The following PDPN variants were observed in gnomAD, a reference collection of about 807,000 sequenced individuals.
The protein encoded by PDPN is podoplanin, also known as PA2.26 antigen.
In PDPN, 12 loss-of-function variants were observed where a neutral mutation model predicts 23.2. That is an observed-to-expected ratio of 0.52 (90% CI 0.33 to 0.84). The LOEUF (loss-of-function observed/expected upper bound fraction) is 0.84. Among genes scored for constraint, PDPN ranks in the 40% least tolerant of loss-of-function variants. PDPN has a pLI of 0.02. For synonymous variants in PDPN, 77 were observed against 76.7 expected (o/e 1.00, Z -0.02); for missense variants, 199 against 212.2 (o/e 0.94, Z 0.39).
intron 2 of PDPN, among the ~76,000 whole-genome samples, chr1:13,609,427 T>C (rs1640877596): frequency 1.3e-5 from 2 of 152,184 alleles, no homozygotes; most frequent in African/African-American, 4.8e-5. Context: ...CATTAGCATA[T>C]GTTTTTTATT....
intron 1 of PDPN, among the ~76,000 whole-genome samples, chr1:13,605,505 G>A (rs765958402): frequency 3.3e-5 from 5 of 152,190 alleles, no homozygotes; most frequent in Non-Finnish European, 5.9e-5. Flanking sequence ...ATTGAGCATG[G>A]TCATGACTAG....
At position 13,597,684 on chromosome 1, in the gene PDPN, G is replaced by A. The variant is rs544980287; in HGVS notation, c.68-9489G>A. Among the ~76,000 whole-genome samples, 27 of 152,296 alleles carry A rather than the reference G, an allele frequency of 1.8e-4. No individual in the cohort carries two copies. In the South Asian group the frequency reaches 5.6e-3, roughly 32 times the overall value. On this transcript the variant is annotated intron_variant, in intron 1 of 5. Transcript: ENST00000621990. The stretch of plus-strand genomic sequence containing the variant: ...TAGATCTGTTTCTACTCTAAATGTT[G>A]TTTGTCAGTAGAGCTGTAACAGGTG...
At chr1:13,614,277 C>CT (rs780788471) in intron 4 of PDPN, 23 bp from the exon 5 acceptor site, 14 of 1,330,268 alleles carry the variant, frequency 1.1e-5, no homozygotes, top group Middle Eastern at 3.7e-4. Flanking sequence ...GGGGCTCATG[C>CT]TTTTTTTCTC....
chr1:13,612,900 A>G (rs879711238), intron 3 of PDPN, among the ~76,000 whole-genome samples: 2 of 152,228 alleles, frequency 1.3e-5, no homozygotes, highest in Non-Finnish European at 2.9e-5. Context: ...AAATCAAGGC[A>G]TCTTGACTTT....
chr1:13,602,483 A>C (rs1640671051), intron 1 of PDPN, among the ~76,000 whole-genome samples: 2 of 152,258 alleles, frequency 1.3e-5, no homozygotes, highest in South Asian at 4.1e-4. Flanking sequence ...AAGAAGTGTA[A>C]ATAAAACCAG....
chr1:13,598,349 C>T (rs1384805360), intron 1 of PDPN, among the ~76,000 whole-genome samples: 1 of 152,076 alleles, frequency 6.6e-6, no homozygotes, highest in African/African-American at 2.4e-5. Flanking sequence ...TGGGTAATGA[C>T]TTCAAATGCT....
chr1:13,598,448 T>TA (rs1317637262), intron 1 of PDPN, among the ~76,000 whole-genome samples: 1 of 152,162 alleles, frequency 6.6e-6, no homozygotes, highest in Non-Finnish European at 1.5e-5. Context: ...CTTTCTTAGA[T>TA]AACAGAAAGA....
At position 13,587,569 on chromosome 1, in the gene PDPN, C is replaced by T. The variant is rs77407013; in HGVS notation, c.67+3469C>T. Among the ~76,000 whole-genome samples the T allele has an allele frequency of 4.1e-3, 631 of 152,160 alleles. 2 individuals carry two copies. The highest frequency in any genetic ancestry group is 6.8e-3 in the Middle Eastern group (2 of 294). On this transcript the variant is annotated intron_variant, in intron 1 of 5. Coordinates refer to ENST00000621990, the MANE Select transcript of PDPN (RefSeq NM_006474.5). ...CTGAATCAGATGCTGTAGGGCTTTT[C>T]CAGGAAGCCTTGCCACTCTTGGTGC... is the stretch of plus-strand genomic sequence containing the variant.
In PDPN at chr1:13,606,990, TG is replaced by T. The variant is rs549263740; in HGVS notation, c.68-182del. On this transcript the variant is annotated intron_variant, in intron 1 of 5. Transcript: ENST00000621990. The stretch of plus-strand genomic sequence containing the variant: ...AACGGAGATAACCAGGGTGTTGATG[TG>T]TCAGAAGTGCTGCAAGGAGAATGGT... Among the ~76,000 whole-genome samples the T allele has an allele frequency of 2.3e-3, 347 of 152,330 alleles. 1 individual carries two copies. The highest frequency in any genetic ancestry group is 8.0e-3 in the African/African-American group (332 of 41,582).
At position 13,617,219 on chromosome 1, in the gene PDPN, G is replaced by A. The variant is rs1026378766; in HGVS notation, c.*1308G>A. The A allele has an allele frequency of 1.6e-4, 25 of 151,644 alleles. No individual in the cohort carries two copies. Among genetic ancestry groups the A allele is most frequent in the African/African-American group, 4.9e-4 (20 of 41,196 alleles). The allele number at this position is 151,644 out of a possible 1,614,324, so 9.4% of individuals were successfully genotyped here. ...TGAGCAGATGCTCTGTCATGATGGC[G>A]GTTGTGCAATTCTGGTATCCTCTAA... On this transcript the variant is annotated 3_prime_UTR_variant, in exon 6 of 6. Transcript: ENST00000621990.
At chr1:13,606,034 G>C (rs2604095) in intron 1 of PDPN, among the ~76,000 whole-genome samples, 30,353 of 151,464 alleles carry the variant, frequency 0.2, 3,053 homozygotes, top group Admixed American at 0.25. Flanking sequence ...ATTGGGTTTC[G>C]GCTGGAGTGC....
chr1:13,588,912 G>C (rs564603536), intron 1 of PDPN, among the ~76,000 whole-genome samples: 1 of 123,054 alleles, frequency 8.1e-6, no homozygotes, highest in East Asian at 2.1e-4. Context: ...TCCTGAGCCT[G>C]CCTTGGCCTC....
intron 1 of PDPN, among the ~76,000 whole-genome samples, chr1:13,598,481 G>C (rs1182562754): frequency 6.6e-6 from 1 of 152,074 alleles, no homozygotes. Flanking sequence ...CCCTGCTTCA[G>C]CCTGATCCTG....
At chr1:13,587,522 T>G (rs1217468257) in intron 1 of PDPN, among the ~76,000 whole-genome samples, 3 of 152,158 alleles carry the variant, frequency 2.0e-5, no homozygotes. Flanking sequence ...AGGATTACCC[T>G]GGTGAAATTT....
chr1:13,613,010 G>C (rs1259725273), intron 3 of PDPN, among the ~76,000 whole-genome samples: 2 of 151,944 alleles, frequency 1.3e-5, no homozygotes, highest in African/African-American at 4.8e-5. Flanking sequence ...TTTTAAATAG[G>C]TTATTGCATA....
intron 1 of PDPN, among the ~76,000 whole-genome samples, chr1:13,597,546 G>C (rs890282157): frequency 6.6e-6 from 1 of 152,160 alleles, no homozygotes; most frequent in Non-Finnish European, 1.5e-5. Flanking sequence ...TCTCACTCAC[G>C]TCAAGATGGA....
intron 1 of PDPN, among the ~76,000 whole-genome samples, chr1:13,588,369 C>G (rs1003463130): frequency 6.6e-6 from 1 of 151,854 alleles, no homozygotes; most frequent in Non-Finnish European, 1.5e-5. Context: ...TTGATGAGAA[C>G]AGGGCACTTC....
At position 13,583,917 on chromosome 1, in the gene PDPN, G is replaced by A; in HGVS notation, c.-117G>A. The A allele has an allele frequency of 1.2e-6, 2 of 1,611,772 alleles. No individual in the cohort carries two copies. Among genetic ancestry groups the A allele is most frequent in the East Asian group, 4.5e-5 (2 of 44,864 alleles). Reference sequence around the variant, plus strand: ...CGGGGCTCCTGCTCCCACCCCTCCGGCCCCCCCACCGTCGCGCTCCTCCAG... The same window carrying A: ...CGGGGCTCCTGCTCCCACCCCTCCGACCCCCCCACCGTCGCGCTCCTCCAG... On this transcript the variant is annotated 5_prime_UTR_variant, in exon 1 of 6. Transcript: ENST00000621990.
At chr1:13,593,417 C>T (rs1161678631) in intron 1 of PDPN, among the ~76,000 whole-genome samples, 1 of 152,120 alleles carries the variant, frequency 6.6e-6, no homozygotes, top group Non-Finnish European at 1.5e-5. Flanking sequence ...GCTTGAATTT[C>T]CCCTACATTA....
Sources: allele counts gnomAD v4.1 joint callset (sites outside exome capture counted in the v4.1 genomes callset), GRCh38; gene constraint gnomAD v4.1.1; transcripts MANE v1.5; gene names NCBI Gene and HGNC (gene_info 2026-07-23, HGNC 2026-07-21).